ZNF45: variants seen among roughly 807,000 people sequenced by gnomAD.
ZNF45 encodes BRC1744.
Under a neutral mutation model 12.0 loss-of-function variants are expected in ZNF45, and 4 were observed. The ratio of observed to expected loss-of-function variants is 0.33; its 90% CI spans 0.16 to 0.76. The LOEUF (loss-of-function observed/expected upper bound fraction) is 0.76. Among genes scored for constraint, ZNF45 ranks in the 30% least tolerant of loss-of-function variants. The pLI is 0.60. For missense variants in ZNF45, 700 were observed against 813.0 expected, an observed-to-expected ratio of 0.86 and a Z score of 1.69; for synonymous variants, 272 against 279.6, an observed-to-expected ratio of 0.97 and a Z score of 0.27.
At chr19:43,921,812 A>G (rs1599775507) in intron 7 of ZNF45, among the ~76,000 whole-genome samples, 1 of 152,334 alleles carries the variant, frequency 6.6e-6, no homozygotes, top group Non-Finnish European at 1.5e-5. Flanking sequence ...TTAATTAGAA[A>G]AGATGTAACT....
At position 43,914,526 on chromosome 19, in the gene ZNF45, A is replaced by G. The variant is rs747702944; in HGVS notation, c.910T>C (p.Tyr304His). 5.0e-6 allele frequency: 8 copies of G among 1,612,670 alleles called. No individual in the cohort carries two copies. The highest frequency in any genetic ancestry group is 5.1e-6 in the Non-Finnish European group (6 of 1,178,946). ...HLKVHTGKKP[Y>H]KCEECGKSFS... ...CTCTTCCCACACTCTTCACACTTATATGGTTTCTTTCCAGTGTGAACTTTC... is the reference window on the plus strand; with the variant it reads ...CTCTTCCCACACTCTTCACACTTATGTGGTTTCTTTCCAGTGTGAACTTTC... The change falls in exon 10 of 10, where the codon TAT becomes CAT. Residue 304 changes from tyrosine to histidine, a missense_variant. Transcript: ENST00000269973.
At position 43,916,806 on chromosome 19, in the gene ZNF45, G is replaced by A. The variant is rs191081995; in HGVS notation, c.236-1606C>T. Among the ~76,000 whole-genome samples the A allele has an allele frequency of 2.2e-4, 33 of 152,202 alleles. No homozygotes were observed. In the East Asian group the frequency reaches 4.3e-3, roughly 20 times the overall value. The stretch of plus-strand genomic sequence containing the variant: ...GAGCGATTCTTCTGGGAAGTTTAAA[G>A]GTTTCACCAGATTCAGGGCTAAGTG... On this transcript the variant is annotated intron_variant, in intron 9 of 9. Transcript: ENST00000269973.
At chr19:43,928,989 A>G (rs1973908392) in intron 3 of ZNF45, among the ~76,000 whole-genome samples, 2 of 152,230 alleles carry the variant, frequency 1.3e-5, no homozygotes, top group South Asian at 4.1e-4. Context: ...AGAGATTGAG[A>G]AAATAATTAT....
At chr19:43,932,061 C>T (rs1278683615) in intron 3 of ZNF45, among the ~76,000 whole-genome samples, 1 of 152,186 alleles carries the variant, frequency 6.6e-6, no homozygotes, top group Non-Finnish European at 1.5e-5. Context: ...CCTGGCCAGG[C>T]ATGGTGGCTC....
intron 6 of ZNF45, among the ~76,000 whole-genome samples, chr19:43,923,054 G>T (rs1973342126): frequency 6.6e-6 from 1 of 151,974 alleles, no homozygotes; most frequent in African/African-American, 2.4e-5. Flanking sequence ...TCAAACTCCT[G>T]AGCTCAAGTG....
intron 3 of ZNF45, among the ~76,000 whole-genome samples, chr19:43,926,768 C>G (rs1040631650): frequency 6.6e-6 from 1 of 152,180 alleles, no homozygotes; most frequent in Non-Finnish European, 1.5e-5. Context: ...GGTGACTGAG[C>G]TCTATTAGCC....
chr19:43,930,748 G>A (rs445865), intron 3 of ZNF45, among the ~76,000 whole-genome samples: 52,890 of 152,018 alleles, frequency 0.35, 9,330 homozygotes, highest in Middle Eastern at 0.43. Flanking sequence ...GAAATATAAT[G>A]CAGGCAAGCT....
Position 43,924,522 on chromosome 19 carries a change from T to C in ZNF45, c.-226A>G, listed in dbSNP as rs1973508100. The stretch of plus-strand genomic sequence containing the variant: ...GAACAGTACCTGAATCCAGCTTTCA[T>C]ACCAGAGCCAGTATTCTAAATCTTG... On this transcript the variant is annotated 5_prime_UTR_variant, in exon 5 of 10. An upstream start codon of the reference 5' UTR is lost. Coordinates refer to ENST00000269973, the MANE Select transcript of ZNF45 (RefSeq NM_003425.4). 1 of 152,240 alleles carries C rather than the reference T, an allele frequency of 6.6e-6. No homozygotes were observed. The highest frequency in any genetic ancestry group is 1.5e-5 in the Non-Finnish European group (1 of 68,048). The allele number at this position is 152,240 out of a possible 1,614,324, so 9.4% of individuals were successfully genotyped here. A position where few individuals can be genotyped will look rare whatever the true frequency, so the allele number is the denominator to read the frequency against.
At chr19:43,928,316 G>A (rs112941908) in intron 3 of ZNF45, among the ~76,000 whole-genome samples, 8,775 of 152,030 alleles carry the variant, frequency 0.058, 818 homozygotes, top group African/African-American at 0.2. Flanking sequence ...GCTAAATGAT[G>A]AGAATACATG....
At chr19:43,921,357 C>T (rs181072090) in intron 7 of ZNF45, among the ~76,000 whole-genome samples, 18 of 152,242 alleles carry the variant, frequency 1.2e-4, no homozygotes, top group East Asian at 1.2e-3. Context: ...AAATTAAGTA[C>T]ATTATTACTT....
In ZNF45 at chr19:43,923,662, G is replaced by A. The variant is rs541286427; in HGVS notation, c.-33+576C>T. Among the ~76,000 whole-genome samples, 35 of 152,062 alleles carry A rather than the reference G, an allele frequency of 2.3e-4. 1 individual carries two copies. In the East Asian group the frequency reaches 6.4e-3, roughly 28 times the overall value. On this transcript the variant is annotated intron_variant, in intron 6 of 9. Coordinates refer to ENST00000269973, the MANE Select transcript of ZNF45 (RefSeq NM_003425.4). Reference sequence around the variant, plus strand: ...TTACCATTTTAACCATTTTTTAAGTGGTTACATTCAGTAAGTACATTTACA... The same window carrying A: ...TTACCATTTTAACCATTTTTTAAGTAGTTACATTCAGTAAGTACATTTACA...
intron 6 of ZNF45, 172 bp from the exon 7 acceptor site, chr19:43,922,389 T>C (rs1199624549): frequency 3.8e-6 from 2 of 533,170 alleles, no homozygotes; most frequent in Admixed American, 3.1e-5. Flanking sequence ...GGATTCCAGA[T>C]ACTACTTGTC....
intron 2 of ZNF45, among the ~76,000 whole-genome samples, chr19:43,933,337 C>T (rs10408005): frequency 0.054 from 8,190 of 152,008 alleles, 260 homozygotes; most frequent in Middle Eastern, 0.11. Context: ...GGCGTGGTGA[C>T]GGGCACCTGT....
intron 3 of ZNF45, among the ~76,000 whole-genome samples, chr19:43,931,548 T>C (rs1974143759): frequency 7.5e-6 from 1 of 133,274 alleles, no homozygotes. Flanking sequence ...AAAAAAAATG[T>C]ATACATATAT....
In ZNF45 at chr19:43,914,613, GT is replaced by G; in HGVS notation, c.822del (p.Lys274AsnfsTer22). 6.2e-7 allele frequency: 1 copy of G among 1,613,650 alleles called. No homozygotes were observed. The highest frequency in any genetic ancestry group is 8.5e-7 in the Non-Finnish European group (1 of 1,179,786). ...ACCCCACACTCCTCACATTTATAGG[GT>G]TTCTCTCCCGTATGAACTATCAGAG... Reference protein sequence around the residue: ...QAPLIVHTGEKPYKCEECGVG... With the variant: ...QAPLIVHTGEXPYKCEECGVG... On this transcript the variant is annotated frameshift_variant, in exon 10 of 10. Coordinates refer to ENST00000269973, the MANE Select transcript of ZNF45 (RefSeq NM_003425.4). LOFTEE classifies it low-confidence loss of function (END_TRUNC).
chr19:43,920,715 C>T (rs972242056), intron 7 of ZNF45, among the ~76,000 whole-genome samples: 3 of 151,054 alleles, frequency 2.0e-5, no homozygotes, highest in Non-Finnish European at 4.4e-5. Flanking sequence ...ATTCTTGTGC[C>T]TCAGCCTCCC....
chr19:43,913,197 G>T lies in ZNF45; in HGVS notation c.*190C>A. On this transcript the variant is annotated 3_prime_UTR_variant, in exon 10 of 10. Transcript: ENST00000269973. ...CAGACTCATCCTTCCTGATCCTCTT[G>T]TCTGCATGTATCAGCTAATGGTCAA... 3.7e-6 allele frequency: 2 copies of T among 533,776 alleles called. No homozygotes were observed. The highest frequency in any genetic ancestry group is 3.0e-5 in the East Asian group (1 of 33,836). The allele number at this position is 533,776 out of a possible 1,614,324, so 33.1% of individuals were successfully genotyped here.
Sources: gnomAD v4.1 joint callset for allele counts (sites outside exome capture counted in the v4.1 genomes callset) on GRCh38, gnomAD v4.1.1 for gene constraint, MANE v1.5 for transcripts, NCBI Gene and HGNC (gene_info 2026-07-23, HGNC 2026-07-21) for gene names.